DLG2: variants seen among roughly 807,000 people sequenced by gnomAD.
DLG2 encodes discs large MAGUK scaffold protein 2, also known as disks large homolog 2.
In DLG2, 45 loss-of-function variants were observed where a neutral mutation model predicts 132.5. The ratio of observed to expected loss-of-function variants is 0.34; its 90% CI spans 0.27 to 0.44. The LOEUF is 0.44. DLG2 is among the 20% of genes least tolerant of loss of function. DLG2 has a pLI of 1.00. For missense variants in DLG2, 1,045 were observed against 1,196.9 expected (o/e 0.87, Z 1.87); for synonymous variants, 424 against 419.6 (o/e 1.01, Z -0.13).
chr11:84,415,374 T>A (rs551364371), intron 7 of DLG2, among the ~76,000 whole-genome samples: 125 of 152,280 alleles, frequency 8.2e-4, no homozygotes, highest in Non-Finnish European at 1.5e-3. Flanking sequence ...AAACACATGA[T>A]ATTATTATCA....
chr11:85,156,285 G>A (rs1417475851), intron 4 of DLG2, among the ~76,000 whole-genome samples: 1 of 152,276 alleles, frequency 6.6e-6, no homozygotes, highest in South Asian at 2.1e-4. Flanking sequence ...ATGTGTTTAT[G>A]TATGTTTATC....
chr11:83,500,678 G>A (rs2094414688), intron 21 of DLG2, among the ~76,000 whole-genome samples: 1 of 151,934 alleles, frequency 6.6e-6, no homozygotes, highest in Admixed American at 6.6e-5. Context: ...TACTAATTAA[G>A]TTATAATTAT....
At chr11:85,052,453 AT>A (rs1474802340) in intron 6 of DLG2, among the ~76,000 whole-genome samples, 1 of 152,198 alleles carries the variant, frequency 6.6e-6, no homozygotes, top group African/African-American at 2.4e-5. Flanking sequence ...AGGGCCAAAC[AT>A]TTTGCATTAT....
intron 21 of DLG2, 129 bp downstream of exon 21, chr11:83,532,579 A>T: frequency 1.4e-6 from 1 of 706,258 alleles, no homozygotes. Flanking sequence ...CTTCAGCAAT[A>T]TATTTATAAC....
intron 8 of DLG2, among the ~76,000 whole-genome samples, chr11:84,215,089 A>C (rs2096818738): frequency 6.6e-6 from 1 of 152,202 alleles, no homozygotes. Context: ...AGAAAAACAC[A>C]GAAAGAAGAA....
At chr11:85,561,075 G>T (rs1233389340) in intron 3 of DLG2, among the ~76,000 whole-genome samples, 1 of 151,084 alleles carries the variant, frequency 6.6e-6, no homozygotes, top group African/African-American at 2.4e-5. Flanking sequence ...GCTGTGTAAG[G>T]CCAGGCATGG....
intron 8 of DLG2, among the ~76,000 whole-genome samples, chr11:84,188,454 G>A (rs2096329261): frequency 6.6e-6 from 1 of 152,080 alleles, no homozygotes; most frequent in South Asian, 2.1e-4. Context: ...CTGAGGCTTA[G>A]AGAGGTTAAG....
intron 3 of DLG2, among the ~76,000 whole-genome samples, chr11:85,501,724 A>G (rs943217425): frequency 4.6e-5 from 7 of 152,206 alleles, no homozygotes; most frequent in African/African-American, 1.4e-4. Flanking sequence ...ATTAGATACC[A>G]TCTCACACCA....
intron 14 of DLG2, among the ~76,000 whole-genome samples, chr11:83,940,470 A>G (rs2082394579): frequency 6.6e-6 from 1 of 152,188 alleles, no homozygotes; most frequent in Non-Finnish European, 1.5e-5. Context: ...AACCTAAGAC[A>G]TATGCAATAC....
intron 3 of DLG2, among the ~76,000 whole-genome samples, chr11:85,435,399 A>G (rs1004376624): frequency 1.7e-4 from 26 of 152,170 alleles, no homozygotes; most frequent in African/African-American, 6.0e-4. Flanking sequence ...ACATATTCCT[A>G]TATTTAGAAA....
At chr11:84,940,802 C>T (rs2049317073) in intron 6 of DLG2, among the ~76,000 whole-genome samples, 1 of 152,124 alleles carries the variant, frequency 6.6e-6, no homozygotes, top group Non-Finnish European at 1.5e-5. Context: ...AATTATTGCC[C>T]AGACCAATGA....
At chr11:84,344,872 C>CTG (rs1469773689) in intron 7 of DLG2, among the ~76,000 whole-genome samples, 1 of 151,978 alleles carries the variant, frequency 6.6e-6, no homozygotes, top group East Asian at 1.9e-4. Flanking sequence ...TTTCTTCTAC[C>CTG]GTATGGAAGG....
chr11:84,744,483 A>C (rs1451375409), intron 6 of DLG2, among the ~76,000 whole-genome samples: 1 of 152,186 alleles, frequency 6.6e-6, no homozygotes, highest in African/African-American at 2.4e-5. Context: ...ACAGCTTTTC[A>C]GGAAGAACTC....
intron 9 of DLG2, among the ~76,000 whole-genome samples, chr11:84,111,701 C>T (rs2154192877): frequency 6.6e-6 from 1 of 152,284 alleles, no homozygotes. Flanking sequence ...AACATTGTGT[C>T]AAATTCTGCA....
At chr11:84,102,330 A>C (rs775628250) in intron 9 of DLG2, among the ~76,000 whole-genome samples, 1 of 152,138 alleles carries the variant, frequency 6.6e-6, no homozygotes, top group Non-Finnish European at 1.5e-5. Context: ...TGTCTAGCAC[A>C]TAGTATTGAC....
At chr11:84,198,738 G>A (rs754972507) in intron 8 of DLG2, among the ~76,000 whole-genome samples, 3 of 152,112 alleles carry the variant, frequency 2.0e-5, no homozygotes, top group Non-Finnish European at 2.9e-5. Context: ...GACTTAGAGA[G>A]GGAAGTCAAA....
At chr11:83,596,887 C>T (rs565670592) in intron 19 of DLG2, among the ~76,000 whole-genome samples, 5 of 152,160 alleles carry the variant, frequency 3.3e-5, no homozygotes, top group Non-Finnish European at 7.3e-5. Context: ...TTCTGAGAAT[C>T]GACCTAATCT....
chr11:85,507,938 C>T (rs1038433511), intron 3 of DLG2, among the ~76,000 whole-genome samples: 1 of 151,786 alleles, frequency 6.6e-6, no homozygotes, highest in Admixed American at 6.6e-5. Flanking sequence ...CTTCTCTTCT[C>T]ACTTCATTTG....
At chr11:83,765,975 T>C (rs1298120920) in intron 18 of DLG2, among the ~76,000 whole-genome samples, 1 of 152,220 alleles carries the variant, frequency 6.6e-6, no homozygotes. Context: ...GTCCATTTTA[T>C]TTATTTCCTT....
Sources: gnomAD v4.1 joint callset for allele counts (sites outside exome capture counted in the v4.1 genomes callset) on GRCh38, gnomAD v4.1.1 for gene constraint, MANE v1.5 for transcripts, NCBI Gene and HGNC (gene_info 2026-07-23, HGNC 2026-07-21) for gene names.